PEBP4: variants seen among roughly 807,000 people sequenced by gnomAD.
PEBP4 encodes phosphatidylethanolamine binding protein 4.
Under a neutral mutation model 23.9 loss-of-function variants are expected in PEBP4, and 22 were observed. That is an observed-to-expected ratio of 0.92 (90% CI 0.66 to 1.31). The LOEUF (loss-of-function observed/expected upper bound fraction) is 1.31, where lower values mean the gene tolerates loss of function less well. Ranked by LOEUF, PEBP4 falls within the 40% of genes most tolerant of loss-of-function variation. The pLI is 0.00. For synonymous variants in PEBP4, 112 were observed against 99.3 expected (o/e 1.13, Z -0.76); for missense variants, 324 against 281.7 (o/e 1.15, Z -1.07).
At chr8:22,921,622 A>G (rs796130993) in intron 2 of PEBP4, among the ~76,000 whole-genome samples, 17 of 152,310 alleles carry the variant, frequency 1.1e-4, no homozygotes, top group African/African-American at 4.1e-4. Flanking sequence ...TCGGTGGGCC[A>G]GCGCCCCCAG....
chr8:22,714,575 A>G (rs1467195603), intron 6 of PEBP4, among the ~76,000 whole-genome samples: 2 of 151,936 alleles, frequency 1.3e-5, no homozygotes, highest in African/African-American at 4.8e-5. Context: ...GCAACCTCCC[A>G]GGGTGGAGAG....
At chr8:22,793,289 CAG>C (rs1005882594) in intron 4 of PEBP4, among the ~76,000 whole-genome samples, 36 of 152,182 alleles carry the variant, frequency 2.4e-4, no homozygotes, top group African/African-American at 7.7e-4. Context: ...TCTTTTGAGA[CAG>C]AGTTTCACTC....
At chr8:22,882,141 C>T (rs1461805145) in intron 3 of PEBP4, among the ~76,000 whole-genome samples, 1 of 152,238 alleles carries the variant, frequency 6.6e-6, no homozygotes, top group Non-Finnish European at 1.5e-5. Flanking sequence ...ATCCTTTCCC[C>T]AGTTCTTCAG....
chr8:22,770,640 G>T (rs1441813016), intron 4 of PEBP4, among the ~76,000 whole-genome samples: 2 of 152,188 alleles, frequency 1.3e-5, no homozygotes, highest in South Asian at 4.1e-4. Flanking sequence ...TGCTCATTCA[G>T]CTCTTGAAGA....
chr8:22,745,069 A>T lies in PEBP4; in HGVS notation c.358-17849T>A, dbSNP rs570783935. 6.0e-4 allele frequency among the ~76,000 whole-genome samples: 92 copies of T among 152,288 alleles called. 1 individual carries two copies. In the East Asian group the frequency reaches 0.016, roughly 27 times the overall value. ...AACAAAGAGGGGCTGTGTTCAGAAAATTGATTCTGAAGGGAAGGGAATATT... is the reference window on the plus strand; with the variant it reads ...AACAAAGAGGGGCTGTGTTCAGAAATTTGATTCTGAAGGGAAGGGAATATT... On this transcript the variant is annotated intron_variant, in intron 4 of 6. Coordinates refer to ENST00000256404, the MANE Select transcript of PEBP4 (RefSeq NM_144962.3).
chr8:22,718,437 C>A (rs532610089), intron 6 of PEBP4, among the ~76,000 whole-genome samples: 1 of 152,310 alleles, frequency 6.6e-6, no homozygotes, highest in East Asian at 1.9e-4. Context: ...GGTTTCTTCA[C>A]GATGTGTTCA....
At chr8:22,827,869 C>T (rs1022155581) in intron 3 of PEBP4, among the ~76,000 whole-genome samples, 5 of 152,226 alleles carry the variant, frequency 3.3e-5, no homozygotes, top group African/African-American at 9.6e-5. Context: ...AGTTTCTCCA[C>T]ATCTTTGTCA....
At chr8:22,768,096 T>C (rs1418173960) in intron 4 of PEBP4, among the ~76,000 whole-genome samples, 1 of 152,146 alleles carries the variant, frequency 6.6e-6, no homozygotes, top group Non-Finnish European at 1.5e-5. Context: ...AGGGTTTTCC[T>C]ATGGTGCCTG....
At chr8:22,938,609 G>A (rs1809570273) in intron 1 of PEBP4, among the ~76,000 whole-genome samples, 1 of 152,176 alleles carries the variant, frequency 6.6e-6, no homozygotes, top group African/African-American at 2.4e-5. Flanking sequence ...CAGTGCCTGG[G>A]ACCAGCAGGT....
chr8:22,787,267 A>C (rs1806048129), intron 4 of PEBP4, among the ~76,000 whole-genome samples: 1 of 152,198 alleles, frequency 6.6e-6, no homozygotes, highest in South Asian at 2.1e-4. Flanking sequence ...AAAAGAATGA[A>C]ATATAATGAG....
chr8:22,912,095 C>T (rs138793938), intron 3 of PEBP4, among the ~76,000 whole-genome samples: 2 of 152,228 alleles, frequency 1.3e-5, no homozygotes, highest in East Asian at 3.9e-4. Context: ...GCAGGAAGTT[C>T]TGGAATGACA....
At chr8:22,803,363 C>A (rs1224619330) in intron 4 of PEBP4, among the ~76,000 whole-genome samples, 1 of 152,082 alleles carries the variant, frequency 6.6e-6, no homozygotes, top group African/African-American at 2.4e-5. Context: ...CAATCTCTCA[C>A]TTAAAATCTA....
chr8:22,839,399 T>G (rs930551762), intron 3 of PEBP4, among the ~76,000 whole-genome samples: 3 of 152,070 alleles, frequency 2.0e-5, no homozygotes, highest in African/African-American at 7.2e-5. Flanking sequence ...GGGGAAAGGC[T>G]GGTGGATCAA....
chr8:22,924,200 CA>C (rs1217153034), intron 2 of PEBP4, among the ~76,000 whole-genome samples: 2 of 152,086 alleles, frequency 1.3e-5, no homozygotes, highest in Non-Finnish European at 2.9e-5. Flanking sequence ...CCCAACTCTA[CA>C]AAAAATAAGA....
intron 4 of PEBP4, among the ~76,000 whole-genome samples, chr8:22,742,167 T>A (rs567312790): frequency 6.6e-6 from 1 of 152,200 alleles, no homozygotes; most frequent in Non-Finnish European, 1.5e-5. Context: ...GAGAAACTTC[T>A]CCCTAGAACT....
intron 3 of PEBP4, among the ~76,000 whole-genome samples, chr8:22,843,293 C>T (rs549931098): frequency 1.3e-5 from 2 of 152,282 alleles, no homozygotes; most frequent in South Asian, 4.1e-4. Flanking sequence ...GTGCAGGCCC[C>T]CACAAATTAT....
At chr8:22,841,253 C>A (rs1563233587) in intron 3 of PEBP4, among the ~76,000 whole-genome samples, 1 of 152,282 alleles carries the variant, frequency 6.6e-6, no homozygotes, top group Non-Finnish European at 1.5e-5. Context: ...TAGCCACTCT[C>A]TTCTGTGGCC....
chr8:22,725,151 GT>G (rs1804598585), intron 5 of PEBP4, among the ~76,000 whole-genome samples, 195 bp from the exon 6 acceptor site: 1 of 152,034 alleles, frequency 6.6e-6, no homozygotes, highest in African/African-American at 2.4e-5. Context: ...TTTGGTGGGG[GT>G]GAGAGTGGGG....
At chr8:22,901,500 C>T (rs1162156975) in intron 3 of PEBP4, among the ~76,000 whole-genome samples, 1 of 152,098 alleles carries the variant, frequency 6.6e-6, no homozygotes, top group Non-Finnish European at 1.5e-5. Flanking sequence ...AGGGACGCAG[C>T]CCCTCCTGGT....
Sources: gnomAD v4.1 joint callset for allele counts (sites outside exome capture counted in the v4.1 genomes callset) on GRCh38, gnomAD v4.1.1 for gene constraint, MANE v1.5 for transcripts, NCBI Gene and HGNC (gene_info 2026-07-23, HGNC 2026-07-21) for gene names.